DRC8: variants seen among roughly 807,000 people sequenced by gnomAD.
DRC8 encodes dynein regulatory complex subunit 8, also known as dynein regulatory complex protein 8.
chr1:245,111,334 C>T, the DRC8 span, among the ~76,000 whole-genome samples: 2 of 152,206 alleles, frequency 1.3e-5, no homozygotes, highest in Non-Finnish European at 2.9e-5. Flanking sequence ...CCTCTGCCCA[C>T]CTGCTGACCG....
chr1:245,012,034 A>G, the DRC8 span, among the ~76,000 whole-genome samples: 1 of 152,174 alleles, frequency 6.6e-6, no homozygotes, highest in Non-Finnish European at 1.5e-5. Flanking sequence ...TTGAGGAATG[A>G]GTGTTAAACA....
At chr1:245,094,686 G>A in the DRC8 span, among the ~76,000 whole-genome samples, 3 of 152,106 alleles carry the variant, frequency 2.0e-5, no homozygotes, top group African/African-American at 7.2e-5. Context: ...ACTGTGAGAT[G>A]GCTACGTTAG....
the DRC8 span, among the ~76,000 whole-genome samples, chr1:244,972,647 G>A: frequency 2.6e-5 from 4 of 152,116 alleles, no homozygotes; most frequent in South Asian, 8.3e-4. Context: ...GGTGAACCCC[G>A]TCTCTACTAA....
the DRC8 span, among the ~76,000 whole-genome samples, chr1:244,989,019 A>G: frequency 1.3e-5 from 2 of 152,234 alleles, no homozygotes; most frequent in Non-Finnish European, 2.9e-5. Flanking sequence ...ATGACACTGT[A>G]TTGCAACCTA....
the DRC8 span, among the ~76,000 whole-genome samples, chr1:245,038,007 G>T: frequency 0.36 from 55,273 of 151,916 alleles, 10,386 homozygotes; most frequent in African/African-American, 0.47. Context: ...ATACCATGTT[G>T]TTGGATAAGA....
At chr1:245,050,463 C>T in the DRC8 span, among the ~76,000 whole-genome samples, 2 of 152,144 alleles carry the variant, frequency 1.3e-5, no homozygotes, top group Non-Finnish European at 2.9e-5. Flanking sequence ...CTATATTTCC[C>T]TAGTGCTGAG....
chr1:245,005,639 C>T, the DRC8 span, among the ~76,000 whole-genome samples: 6 of 152,166 alleles, frequency 3.9e-5, no homozygotes, highest in Admixed American at 2.6e-4. Context: ...CACTGGCACC[C>T]GGCCTTATTG....
the DRC8 span, among the ~76,000 whole-genome samples, chr1:245,032,095 A>C: frequency 1.3e-5 from 2 of 152,188 alleles, no homozygotes; most frequent in South Asian, 4.1e-4. Flanking sequence ...TAGAAGAAGT[A>C]ACAAAACTTC....
chr1:244,999,952 G>A, the DRC8 span, among the ~76,000 whole-genome samples: 1 of 152,100 alleles, frequency 6.6e-6, no homozygotes, highest in African/African-American at 2.4e-5. Context: ...CTGAGTAGCT[G>A]GGACTACAGG....
At chr1:245,059,691 C>T in the DRC8 span, among the ~76,000 whole-genome samples, 31 of 152,156 alleles carry the variant, frequency 2.0e-4, no homozygotes, top group African/African-American at 7.0e-4. Context: ...AATAAAGAAC[C>T]CACTGTAGAA....
At chr1:244,975,862 A>T in the DRC8 span, among the ~76,000 whole-genome samples, 5 of 151,992 alleles carry the variant, frequency 3.3e-5, no homozygotes, top group Non-Finnish European at 5.9e-5. Flanking sequence ...TCTGTCTCAA[A>T]ATAAATAAAT....
chr1:245,009,515 T>C, the DRC8 span, among the ~76,000 whole-genome samples: 1 of 149,854 alleles, frequency 6.7e-6, no homozygotes, highest in Non-Finnish European at 1.5e-5. Context: ...TCACCCAGGC[T>C]GGAGTGCGGT....
At chr1:244,993,833 A>G in the DRC8 span, among the ~76,000 whole-genome samples, 4 of 152,218 alleles carry the variant, frequency 2.6e-5, no homozygotes, top group African/African-American at 9.6e-5. Flanking sequence ...AGATAACAGC[A>G]TTAATCCATT....
At chr1:245,060,022 C>A in the DRC8 span, among the ~76,000 whole-genome samples, 1 of 152,142 alleles carries the variant, frequency 6.6e-6, no homozygotes, top group Non-Finnish European at 1.5e-5. Flanking sequence ...ATTTCAAATG[C>A]AGCATTCGGT....
At chr1:245,015,374 A>G in the DRC8 span, among the ~76,000 whole-genome samples, 7 of 152,312 alleles carry the variant, frequency 4.6e-5, no homozygotes, top group South Asian at 1.0e-3. Context: ...TGCACCTAAC[A>G]TAAAATTTAT....
chr1:245,012,423 A>T, the DRC8 span, among the ~76,000 whole-genome samples: 1 of 151,148 alleles, frequency 6.6e-6, no homozygotes, highest in Non-Finnish European at 1.5e-5. Flanking sequence ...GTCATGACAG[A>T]GAAATAAGAT....
chr1:245,041,277 G>A, the DRC8 span, among the ~76,000 whole-genome samples: 4 of 152,148 alleles, frequency 2.6e-5, no homozygotes, highest in African/African-American at 7.2e-5. Flanking sequence ...AGCCAAAAAC[G>A]TTGGCAGGGC....
At chr1:245,065,067 A>G in the DRC8 span, among the ~76,000 whole-genome samples, 1 of 110,942 alleles carries the variant, frequency 9.0e-6, no homozygotes, top group East Asian at 2.3e-4. Flanking sequence ...AGTCTTTAAC[A>G]TTCTTCTTTT....
the DRC8 span, among the ~76,000 whole-genome samples, chr1:245,101,565 C>T: frequency 6.6e-6 from 1 of 152,094 alleles, no homozygotes; most frequent in Non-Finnish European, 1.5e-5. Context: ...CTAATTCTAT[C>T]ATTCTTCATT....
Sources: gnomAD v4.1 joint callset for allele counts (sites outside exome capture counted in the v4.1 genomes callset) on GRCh38, gnomAD v4.1.1 for gene constraint, MANE v1.5 for transcripts, NCBI Gene and HGNC (gene_info 2026-07-23, HGNC 2026-07-21) for gene names.